EEFSEC: variants seen among roughly 807,000 people sequenced by gnomAD.
The protein encoded by EEFSEC is eukaryotic elongation factor, selenocysteine-tRNA specific.
EEFSEC carries 43 observed loss-of-function variants against 42.1 expected under a neutral mutation model. The observed-to-expected ratio is 1.02, with a 90% CI of 0.80 to 1.32. The LOEUF is 1.32. EEFSEC is among the 40% of genes most tolerant of loss of function. The pLI, the probability that EEFSEC is intolerant of heterozygous loss-of-function variation, is 0.00. For missense variants in EEFSEC, 745 were observed against 803.6 expected (o/e 0.93, Z 0.88); for synonymous variants, 354 against 339.1 (o/e 1.04, Z -0.48).
intron 6 of EEFSEC, among the ~76,000 whole-genome samples, chr3:128,394,294 G>A (rs367872064): frequency 6.6e-6 from 1 of 152,220 alleles, no homozygotes; most frequent in Admixed American, 6.5e-5. Context: ...TCCCCTGTCA[G>A]CAAGAGGACA....
At chr3:128,375,410 T>G (rs1490115822) in intron 6 of EEFSEC, among the ~76,000 whole-genome samples, 1 of 152,118 alleles carries the variant, frequency 6.6e-6, no homozygotes, top group Non-Finnish European at 1.5e-5. Flanking sequence ...TGGGCACAAA[T>G]CCACACCAGG....
At chr3:128,279,962 C>T (rs748677548) in intron 4 of EEFSEC, among the ~76,000 whole-genome samples, 5 of 152,220 alleles carry the variant, frequency 3.3e-5, no homozygotes, top group Non-Finnish European at 7.3e-5. Flanking sequence ...TGCGATACCA[C>T]GTGCCCATCG....
the EEFSEC span, among the ~76,000 whole-genome samples, chr3:128,420,412 G>A: frequency 1.3e-5 from 2 of 152,182 alleles, no homozygotes; most frequent in African/African-American, 2.4e-5. Flanking sequence ...GGCTGGGGGC[G>A]CCCTCAGGGC....
intron 4 of EEFSEC, among the ~76,000 whole-genome samples, chr3:128,282,349 G>C (rs1012905339): frequency 6.6e-6 from 1 of 152,238 alleles, no homozygotes; most frequent in South Asian, 2.1e-4. Flanking sequence ...TGTGCACCAT[G>C]GATGTTTGGC....
At chr3:128,415,639 G>T in the EEFSEC span, among the ~76,000 whole-genome samples, 1 of 152,170 alleles carries the variant, frequency 6.6e-6, no homozygotes, top group South Asian at 2.1e-4. Flanking sequence ...TGCCCTCGCC[G>T]CCGGGGCCCA....
rs541928072 is a variant in EEFSEC at position 128,153,982 on chromosome 3, C to T, written c.316+159C>T. ...AGAGGCGGACGTGACTTGCCTAGGG[C>T]TCCGCAGCAAGTGAGCGGAGGCTTT... is the stretch of plus-strand genomic sequence containing the variant. On this transcript the variant is annotated intron_variant, in intron 1 of 6. Coordinates refer to ENST00000254730, the MANE Select transcript of EEFSEC (RefSeq NM_021937.5). 33 of 1,095,028 alleles carry T rather than the reference C, an allele frequency of 3.0e-5. No homozygotes were observed. In the African/African-American group the frequency reaches 5.1e-4, roughly 17 times the overall value. 67.8% of individuals were successfully genotyped at this position (1,095,028 alleles called of 1,614,324 possible). A position where few individuals can be genotyped will look rare whatever the true frequency, so the allele number is the denominator to read the frequency against.
intron 4 of EEFSEC, among the ~76,000 whole-genome samples, chr3:128,283,270 G>A (rs750874495): frequency 2.0e-5 from 3 of 152,208 alleles, no homozygotes; most frequent in Admixed American, 6.5e-5. Flanking sequence ...AGGTCTCATT[G>A]AAGGGAGGAC....
intron 1 of EEFSEC, among the ~76,000 whole-genome samples, chr3:128,186,253 C>A (rs1035663820): frequency 7.2e-5 from 11 of 152,278 alleles, no homozygotes; most frequent in Non-Finnish European, 1.6e-4. Context: ...CTATTCAGCT[C>A]TTTGTTCGTT....
intron 2 of EEFSEC, among the ~76,000 whole-genome samples, chr3:128,254,366 G>T (rs900410616): frequency 4.6e-5 from 7 of 152,200 alleles, no homozygotes; most frequent in African/African-American, 1.7e-4. Context: ...ATAGACGACT[G>T]GTGGTTGCAG....
At chr3:128,279,143 C>G (rs1019916801) in intron 4 of EEFSEC, among the ~76,000 whole-genome samples, 4 of 152,106 alleles carry the variant, frequency 2.6e-5, no homozygotes, top group African/African-American at 9.7e-5. Context: ...GTGAACCATA[C>G]GGCGGCGGCG....
intron 6 of EEFSEC, among the ~76,000 whole-genome samples, chr3:128,397,216 A>AGCCCCCTGCT (rs1451059829): frequency 3.3e-5 from 5 of 152,212 alleles, no homozygotes; most frequent in Admixed American, 3.3e-4. Context: ...AGATGGCTGC[A>AGCCCCCTGCT]GCCCCCTGCT....
chr3:128,289,464 C>G (rs2066620467), intron 4 of EEFSEC, among the ~76,000 whole-genome samples: 1 of 152,220 alleles, frequency 6.6e-6, no homozygotes, highest in African/African-American at 2.4e-5. Flanking sequence ...AACTGTACTT[C>G]TTTACACTGT....
intron 4 of EEFSEC, among the ~76,000 whole-genome samples, chr3:128,319,533 C>G (rs1040947716): frequency 6.6e-6 from 1 of 152,190 alleles, no homozygotes; most frequent in African/African-American, 2.4e-5. Context: ...CTACCCTCAA[C>G]AGACTTTGCA....
At chr3:128,171,680 G>A (rs562703439) in intron 1 of EEFSEC, among the ~76,000 whole-genome samples, 4 of 152,180 alleles carry the variant, frequency 2.6e-5, no homozygotes, top group African/African-American at 9.6e-5. Flanking sequence ...GAGGCACAAT[G>A]TTCTATCTGA....
chr3:128,376,227 A>C (rs993627557), intron 6 of EEFSEC, among the ~76,000 whole-genome samples: 1 of 152,052 alleles, frequency 6.6e-6, no homozygotes, highest in African/African-American at 2.4e-5. Context: ...GGCACCAAGG[A>C]TGCACCCTTT....
intron 6 of EEFSEC, among the ~76,000 whole-genome samples, chr3:128,361,061 G>A (rs1559939794): frequency 6.6e-6 from 1 of 152,198 alleles, no homozygotes; most frequent in Non-Finnish European, 1.5e-5. Flanking sequence ...GGGGAAGCCT[G>A]GGTTTTGGTG....
intron 5 of EEFSEC, among the ~76,000 whole-genome samples, chr3:128,346,566 C>T (rs1395776946): frequency 6.6e-6 from 1 of 152,212 alleles, no homozygotes; most frequent in South Asian, 2.1e-4. Context: ...ATACCCACTG[C>T]GCCTTAAAAG....
chr3:128,252,283 A>G (rs1201207874), intron 2 of EEFSEC, among the ~76,000 whole-genome samples: 2 of 152,082 alleles, frequency 1.3e-5, no homozygotes, highest in East Asian at 3.9e-4. Flanking sequence ...GACTAGGTGT[A>G]TTTTCCATAC....
intron 6 of EEFSEC, among the ~76,000 whole-genome samples, chr3:128,397,376 C>T (rs551794602): frequency 6.6e-6 from 1 of 152,346 alleles, no homozygotes; most frequent in South Asian, 2.1e-4. Context: ...CCCAGGCAAC[C>T]ACTGGGCCTG....
Sources: allele counts gnomAD v4.1 joint callset (sites outside exome capture counted in the v4.1 genomes callset), GRCh38; gene constraint gnomAD v4.1.1; transcripts MANE v1.5; gene names NCBI Gene and HGNC (gene_info 2026-07-23, HGNC 2026-07-21).